Variants in NPHS1 observed in about 807,000 individuals in gnomAD.
NPHS1 encodes the protein nephrin.
NPHS1 carries 107 observed loss-of-function variants against 139.7 expected under a neutral mutation model. The ratio of observed to expected loss-of-function variants is 0.77; its 90% CI spans 0.66 to 0.90. The LOEUF is 0.90. NPHS1 is among the 40% of genes least tolerant of loss of function. The pLI is 0.00. For missense variants in NPHS1, 1,580 were observed against 1,654.2 expected (o/e 0.96, Z 0.78); for synonymous variants, 707 against 706.6 (o/e 1.00, Z -0.01).
chr19:35,830,673 T>C (rs968803247), intron 28 of NPHS1, among the ~76,000 whole-genome samples, 171 bp downstream of exon 28: 1 of 152,196 alleles, frequency 6.6e-6, no homozygotes, highest in African/African-American at 2.4e-5. Context: ...CCTCCCAAAG[T>C]GTTGGGATTA....
chr19:35,831,011 G>T (rs932184551), intron 27 of NPHS1, 42 bp downstream of exon 27: 55 of 1,606,956 alleles, frequency 3.4e-5, no homozygotes, highest in Non-Finnish European at 4.5e-5. Flanking sequence ...AGGCGTCGGG[G>T]GTACCTCTGA....
chr19:35,842,155 T>A lies in NPHS1; in HGVS notation c.2632A>T (p.Asn878Tyr), dbSNP rs1463330191. The A allele has an allele frequency of 6.2e-7, 1 of 1,608,388 alleles. No individual in the cohort carries two copies. Among genetic ancestry groups the A allele is most frequent in the Non-Finnish European group, 8.5e-7 (1 of 1,177,978 alleles). ...TCTTGGAGATCCAGAGGGACCCCGT[T>A]TTTTGTCCAAGTGAAAACGATGTTG... ...VPNIVFTWTK[N>Y]GVPLDLQDPR... Residue 878 changes from asparagine to tyrosine, a missense_variant, in exon 19 of 29, where the codon AAC becomes TAC. By Grantham distance (143) the Asn-to-Tyr change is moderately radical (BLOSUM62 -2). Transcript: ENST00000378910.
chr19:35,842,043 C>T, intron 19 of NPHS1, 81 bp downstream of exon 19: 3 of 1,502,146 alleles, frequency 2.0e-6, no homozygotes. Context: ...TCTTCCTTCT[C>T]TGCAGGGACT....
intron 23 of NPHS1, among the ~76,000 whole-genome samples, chr19:35,834,302 G>C (rs1005507255): frequency 2.0e-5 from 3 of 152,152 alleles, no homozygotes; most frequent in Non-Finnish European, 4.4e-5. Context: ...CCAACCAAGA[G>C]CCAGATGACT....
At chr19:35,838,398 C>G (rs1973006243) in intron 22 of NPHS1, among the ~76,000 whole-genome samples, 1 of 151,184 alleles carries the variant, frequency 6.6e-6, no homozygotes, top group South Asian at 2.1e-4. Context: ...ACTAAAAATA[C>G]TAAAATTAGC....
chr19:35,851,887 C>G lies in NPHS1; in HGVS notation c.-50G>C. ...CACAGCGCCCGCTGCCAGCCACCTGCGTCTGTCTGGCTTTCTCTGGGTCCC... is the reference window on the plus strand; with the variant it reads ...CACAGCGCCCGCTGCCAGCCACCTGGGTCTGTCTGGCTTTCTCTGGGTCCC... On this transcript the variant is annotated 5_prime_UTR_variant, in exon 1 of 29. Transcript: ENST00000378910. 2 of 1,514,314 alleles carry G rather than the reference C, an allele frequency of 1.3e-6. No homozygotes were observed. The highest frequency in any genetic ancestry group is 1.2e-5 in the South Asian group (1 of 83,238). The allele number at this position is 1,514,314 out of a possible 1,614,324, so 93.8% of individuals were successfully genotyped here. A position where few individuals can be genotyped will look rare whatever the true frequency, so the allele number is the denominator to read the frequency against.
chr19:35,843,892 G>A, intron 16 of NPHS1: 1 of 726,874 alleles, frequency 1.4e-6, no homozygotes, highest in Non-Finnish European at 2.2e-6. Flanking sequence ...GTCTAGGCGG[G>A]CACCCTCTCT....
Position 35,846,056 on chromosome 19 carries a change from T to A in NPHS1, c.1579A>T (p.Thr527Ser), listed in dbSNP as rs145063869. 4 of 1,595,612 alleles carry A rather than the reference T, an allele frequency of 2.5e-6. No homozygotes were observed. In the African/African-American group the frequency reaches 5.4e-5, roughly 21 times the overall value. Residue 527 changes from threonine to serine, a missense_variant, in exon 12 of 29, where the codon ACG becomes TCG. Thr to Ser is a moderately conservative substitution (Grantham distance 58, BLOSUM62 1). Transcript: ENST00000378910. ...GCGCTGAGCTGTCCAGCCTTGCACGTGAACTTGGCCTGGTTGTCCGACGGC... is the reference window on the plus strand; with the variant it reads ...GCGCTGAGCTGTCCAGCCTTGCACGAGAACTTGGCCTGGTTGTCCGACGGC... ...TGPSDNQAKF[T>S]CKAGQLSAST...
chr19:35,826,645 C>T lies in NPHS1; in HGVS notation c.3595G>A (p.Gly1199Arg). 1.9e-6 allele frequency: 3 copies of T among 1,614,040 alleles called. No individual in the cohort carries two copies. Among genetic ancestry groups the T allele is most frequent in the Non-Finnish European group, 2.5e-6 (3 of 1,180,008 alleles). ...TCAGGCCAGTGGAGGTCCCAGGGTC[C>T]CTGACAGGCAAAAAGTGGAGTTAGA... is the stretch of plus-strand genomic sequence containing the variant. ...WGPLYDEVQMGPWDLHWPEDT... is the reference protein window; with the variant it reads ...WGPLYDEVQMRPWDLHWPEDT... Residue 1199 changes from glycine to arginine, a missense_variant and splice_region_variant, in exon 29 of 29, where the codon GGA becomes AGA. By Grantham distance (125) the Gly-to-Arg change is moderately radical (BLOSUM62 -2). Coordinates refer to ENST00000378910, the MANE Select transcript of NPHS1 (RefSeq NM_004646.4).
At position 35,843,642 on chromosome 19, in the gene NPHS1, T is replaced by C. The variant is rs765315567; in HGVS notation, c.2213-49A>G. ...GAAGACACTTGGGCCCAGACAGGTC[T>C]GGGTGTGAGAGGGCCCCAGGTGGGA... On this transcript the variant is annotated intron_variant, in intron 16 of 28. Coordinates refer to ENST00000378910, the MANE Select transcript of NPHS1 (RefSeq NM_004646.4). 4.3e-5 allele frequency: 69 copies of C among 1,606,586 alleles called. No homozygotes were observed. In the East Asian group the frequency reaches 1.5e-3, roughly 35 times the overall value.
chr19:35,834,746 C>G (rs544355236), intron 23 of NPHS1, among the ~76,000 whole-genome samples: 2 of 152,012 alleles, frequency 1.3e-5, no homozygotes, highest in South Asian at 4.1e-4. Context: ...AAAAAATTAG[C>G]TGGGCGTGTT....
Position 35,826,320 on chromosome 19 carries a change from CA to C in NPHS1, c.*193del. The C allele has an allele frequency of 1.6e-6, 1 of 627,688 alleles. No individual in the cohort carries two copies. The allele number at this position is 627,688 out of a possible 1,614,324, so 38.9% of individuals were successfully genotyped here. On this transcript the variant is annotated 3_prime_UTR_variant, in exon 29 of 29. Transcript: ENST00000378910. ...GAAGTTTAGTTTCTAAAGCCAACCCCAGGATGCACCTTGTTTCTACTCTGGT... is the reference window on the plus strand; with the variant it reads ...GAAGTTTAGTTTCTAAAGCCAACCCCGGATGCACCTTGTTTCTACTCTGGT...
chr19:35,848,847 A>G, intron 8 of NPHS1, 53 bp from the exon 9 acceptor site: 4 of 1,613,574 alleles, frequency 2.5e-6, no homozygotes, highest in South Asian at 2.2e-5. Flanking sequence ...CTCACAGACC[A>G]GCCCAGACAG....
In NPHS1 at chr19:35,845,964, T is replaced by TTCCCCCCC; in HGVS notation, c.1627+43_1627+44insGGGGGGGA. On this transcript the variant is annotated intron_variant, in intron 12 of 28. Transcript: ENST00000378910. The surrounding 1 kb of genome is among the most constrained non-coding windows in gnomAD (Gnocchi z 5.5). The stretch of plus-strand genomic sequence containing the variant: ...TGGGTCCCTGCCCCACCTGGCTCTG[T>TTCCCCCCC]CCCTCCCGCCCCGCCCCCGGGCCTC... 6.5e-7 allele frequency: 1 copy of TTCCCCCCC among 1,528,580 alleles called. No homozygotes were observed. Among genetic ancestry groups the TTCCCCCCC allele is most frequent in the Non-Finnish European group, 8.9e-7 (1 of 1,129,338 alleles). 94.7% of individuals were successfully genotyped at this position (1,528,580 alleles called of 1,614,324 possible). A position where few individuals can be genotyped will look rare whatever the true frequency, so the allele number is the denominator to read the frequency against.
At chr19:35,841,130 C>T (rs1281172890) in intron 20 of NPHS1, among the ~76,000 whole-genome samples, 2 of 151,726 alleles carry the variant, frequency 1.3e-5, no homozygotes, top group Non-Finnish European at 2.9e-5. Context: ...TGTAATCCCA[C>T]CACTTTGGGA....
Position 35,842,467 on chromosome 19 carries a change from G to A in NPHS1, c.2418C>T (p.Ala806=). 1 of 1,614,156 alleles carries A rather than the reference G, an allele frequency of 6.2e-7. No homozygotes were observed. ...GPTGRLRIHH[A]KLAQAGAYQC... ...GGTAAGCGCCAGCCTGGGCCAGTTTGGCATGGTGAATCCGCAGGCGCCCCG... is the reference window on the plus strand; with the variant it reads ...GGTAAGCGCCAGCCTGGGCCAGTTTAGCATGGTGAATCCGCAGGCGCCCCG... Residue 806 remains alanine, a synonymous_variant, in exon 18 of 29, where the codon GCC becomes GCT. Transcript: ENST00000378910.
chr19:35,831,446 C>T (rs1368075416), intron 25 of NPHS1, 30 bp downstream of exon 25: 3 of 1,613,826 alleles, frequency 1.9e-6, no homozygotes, highest in Non-Finnish European at 2.5e-6. Context: ...TCCCTCAGAG[C>T]CTTCTTTACA....
intron 23 of NPHS1, among the ~76,000 whole-genome samples, chr19:35,834,158 A>G (rs545712150): frequency 3.3e-5 from 5 of 152,240 alleles, no homozygotes; most frequent in African/African-American, 1.2e-4. Context: ...CTCTGTGTTG[A>G]GCCATGTGAC....
chr19:35,848,730 G>T lies in NPHS1; in HGVS notation c.1077C>A (p.Leu359=). The T allele has an allele frequency of 6.2e-7, 1 of 1,614,164 alleles. No individual in the cohort carries two copies. Among genetic ancestry groups the T allele is most frequent in the Non-Finnish European group, 8.5e-7 (1 of 1,179,996 alleles). ...GGCGACTGGACTTGCTGACACAGGA[G>T]AGTGTCACGTTCTTGTTCTCAGTCT... ...ASQTENKNVT[L]SCVSKSSRPR... is the part of the protein sequence containing the mutation. The change falls in exon 9 of 29, where the codon CTC becomes CTA. Residue 359 remains leucine (L), a synonymous_variant. Transcript: ENST00000378910.
Sources: allele counts gnomAD v4.1 joint callset (sites outside exome capture counted in the v4.1 genomes callset), GRCh38; gene constraint gnomAD v4.1.1; non-coding constraint Gnocchi (gnomAD v3.1); transcripts MANE v1.5; gene names NCBI Gene and HGNC (gene_info 2026-07-23, HGNC 2026-07-21).